The following IGFLR1 variants were observed in gnomAD, a reference collection of about 807,000 sequenced individuals.
IGFLR1 encodes the protein IGF like family receptor 1.
A neutral mutation model predicts 23.4 loss-of-function variants in IGFLR1; 17 were observed. The ratio of observed to expected loss-of-function variants is 0.73; its 90% CI spans 0.50 to 1.09. The LOEUF (loss-of-function observed/expected upper bound fraction) is 1.09. IGFLR1 is among the 50% of genes least tolerant of loss of function. IGFLR1 has a pLI of 0.00. For missense variants in IGFLR1, 556 were observed against 459.2 expected (o/e 1.21, Z -1.93); for synonymous variants, 265 against 210.7 (o/e 1.26, Z -2.23).
Position 35,742,434 on chromosome 19 carries a change from C to G in IGFLR1, c.-82G>C. On this transcript the variant is annotated 5_prime_UTR_variant, in exon 1 of 5. Transcript: ENST00000246532. ...GGTCCCAAGCTGGCCGTGCCAAGTT[C>G]CTCAGCTGAAGTTGTGGCCAGGACC... is the stretch of plus-strand genomic sequence containing the variant. 1.3e-6 allele frequency: 2 copies of G among 1,536,318 alleles called. No individual in the cohort carries two copies. The highest frequency in any genetic ancestry group is 1.7e-6 in the Non-Finnish European group (2 of 1,146,630).
At chr19:35,740,936 C>G in intron 2 of IGFLR1, 88 bp downstream of exon 2, 1 of 1,312,804 alleles carries the variant, frequency 7.6e-7, no homozygotes, top group South Asian at 1.3e-5. Context: ...GCAAGCCTCT[C>G]TGGCCCGTAG....
rs199748047 is a variant in IGFLR1, at chr19:35,740,407, C to G, written c.315G>C (p.Gly105=). 10 of 1,606,114 alleles carry G rather than the reference C, an allele frequency of 6.2e-6. No individual in the cohort carries two copies. In the African/African-American group the frequency reaches 1.3e-4, roughly 21 times the overall value. Residue 105 remains glycine, a synonymous_variant, in exon 3 of 5, where the codon GGG becomes GGC. Coordinates refer to ENST00000246532, the MANE Select transcript of IGFLR1 (RefSeq NM_024660.4). ...GAVTPTPAAG[G]GRTPWRCRER... ...CTCTGCAGCGCCACGGGGTTCTGCCCCCGCCCGCGGCGGGAGTAGGGGTCA... is the reference window on the plus strand; with the variant it reads ...CTCTGCAGCGCCACGGGGTTCTGCCGCCGCCCGCGGCGGGAGTAGGGGTCA...
chr19:35,740,282 A>G (rs1234069833), intron 3 of IGFLR1, 98 bp downstream of exon 3: 1 of 1,392,598 alleles, frequency 7.2e-7, no homozygotes, highest in African/African-American at 1.5e-5. Flanking sequence ...ACCTCCTGAA[A>G]CCACGGCCCC....
chr19:35,739,601 G>C lies in IGFLR1; in HGVS notation c.747C>G (p.Pro249=), dbSNP rs1041287150. The C allele has an allele frequency of 6.2e-7, 1 of 1,612,700 alleles. No homozygotes were observed. The highest frequency in any genetic ancestry group is 8.5e-7 in the Non-Finnish European group (1 of 1,179,192). The part of the protein sequence containing the change: ...SRELSSLASQ[P]LSRLLDELEV... ...CCAGCTCATCCAGGAGGCGAGACAG[G>C]GGTTGTGACGCCAGACTGGACAGTT... Residue 249 remains proline, a synonymous_variant, in exon 5 of 5, where the codon CCC becomes CCG. Coordinates refer to ENST00000246532, the MANE Select transcript of IGFLR1 (RefSeq NM_024660.4).
At chr19:35,740,677 T>A in intron 2 of IGFLR1, 113 bp from the exon 3 acceptor site, 1 of 1,016,340 alleles carries the variant, frequency 9.8e-7, no homozygotes, top group Non-Finnish European at 1.4e-6. Flanking sequence ...GCTTCCAGCC[T>A]ATTAGCGTGC....
chr19:35,740,691 C>T (rs1366908167), intron 2 of IGFLR1, 127 bp from the exon 3 acceptor site: 2 of 897,252 alleles, frequency 2.2e-6, no homozygotes, highest in African/African-American at 3.4e-5. Flanking sequence ...AGCGTGCGCC[C>T]CGGTCTTGTC....
chr19:35,740,834 C>G (rs961823867), intron 2 of IGFLR1, 190 bp downstream of exon 2: 8 of 654,114 alleles, frequency 1.2e-5, no homozygotes, highest in South Asian at 9.8e-5. Context: ...CATATCCATT[C>G]GCTGTTGCCC....
At position 35,740,722 on chromosome 19, in the gene IGFLR1, T is replaced by C. The variant is rs529594165; in HGVS notation, c.158-158A>G. The C allele has an allele frequency of 1.5e-5, 11 of 735,986 alleles. No individual in the cohort carries two copies. In the East Asian group the frequency reaches 2.8e-4, roughly 19 times the overall value. 45.6% of individuals were successfully genotyped at this position (735,986 alleles called of 1,614,324 possible). Reference sequence around the variant, plus strand: ...TTGTCACTTTTCTCCGGGCTCGCCTTTTCACCCCCCTCCAGCCTGCTCCGC... The same window carrying C: ...TTGTCACTTTTCTCCGGGCTCGCCTCTTCACCCCCCTCCAGCCTGCTCCGC... On this transcript the variant is annotated intron_variant, in intron 2 of 4. Coordinates refer to ENST00000246532, the MANE Select transcript of IGFLR1 (RefSeq NM_024660.4).
At position 35,739,827 on chromosome 19, in the gene IGFLR1, A is replaced by G. The variant is rs1265313927; in HGVS notation, c.604T>C (p.Leu202=). Residue 202 remains leucine (L), a synonymous_variant, in exon 4 of 5, where the codon TTG becomes CTG. Transcript: ENST00000246532. ...EKADPYPYPG[L]VCGVPNTHTP... ...TGGGTGTTGGGGACTCCGCAGACCA[A>G]GCCAGGATAGGGATAGGGGTCGGCT... 2.5e-6 allele frequency: 4 copies of G among 1,607,574 alleles called. No homozygotes were observed. Among genetic ancestry groups the G allele is most frequent in the South Asian group, 1.1e-5 (1 of 90,644 alleles).
intron 3 of IGFLR1, 107 bp from the exon 4 acceptor site, chr19:35,740,195 G>C (rs1256918293): frequency 2.2e-6 from 3 of 1,388,474 alleles, no homozygotes; most frequent in Non-Finnish European, 2.8e-6. Flanking sequence ...CATCTGATAC[G>C]GTATCTGATA....
chr19:35,740,207 G>A (rs1970131724), intron 3 of IGFLR1, 119 bp from the exon 4 acceptor site: 1 of 1,384,424 alleles, frequency 7.2e-7, no homozygotes, highest in Admixed American at 2.9e-5. Flanking sequence ...TATCTGATAA[G>A]GTAGTTGGGC....
At chr19:35,740,266 C>A in intron 3 of IGFLR1, 114 bp downstream of exon 3, 1 of 1,351,538 alleles carries the variant, frequency 7.4e-7, no homozygotes, top group Admixed American at 2.9e-5. Context: ...CCCCTGCAGG[C>A]CAGCCACCTC....
At chr19:35,739,678 C>T (rs1398570927) in intron 4 of IGFLR1, 32 bp downstream of exon 4, 5 of 1,565,420 alleles carry the variant, frequency 3.2e-6, no homozygotes, top group African/African-American at 1.4e-5. Flanking sequence ...TCCAGTCCAC[C>T]TTCCCTGCCC....
chr19:35,740,827 A>T lies in IGFLR1; in HGVS notation c.157+197T>A. 1.1e-5 allele frequency: 7 copies of T among 646,830 alleles called. No individual in the cohort carries two copies. In the South Asian group the frequency reaches 1.4e-4, roughly 13 times the overall value. The allele number at this position is 646,830 out of a possible 1,614,324, so 40.1% of individuals were successfully genotyped here. ...GCCCCTATCCCGCCTCTCCAGCCAT[A>T]TCCATTCGCTGTTGCCCTACGGTAG... On this transcript the variant is annotated intron_variant, in intron 2 of 4. Coordinates refer to ENST00000246532, the MANE Select transcript of IGFLR1 (RefSeq NM_024660.4).
rs1484485671 is a variant in IGFLR1 at position 35,742,440 on chromosome 19, C to A, written c.-88G>T. Reference sequence around the variant, plus strand: ...AAGCTGGCCGTGCCAAGTTCCTCAGCTGAAGTTGTGGCCAGGACCCAGTCT... The same window carrying A: ...AAGCTGGCCGTGCCAAGTTCCTCAGATGAAGTTGTGGCCAGGACCCAGTCT... On this transcript the variant is annotated 5_prime_UTR_variant, in exon 1 of 5. Transcript: ENST00000246532. 3 of 1,536,926 alleles carry A rather than the reference C, an allele frequency of 2.0e-6. No homozygotes were observed. Among genetic ancestry groups the A allele is most frequent in the African/African-American group, 1.4e-5 (1 of 73,168 alleles).
Position 35,739,920 on chromosome 19 carries a change from G to C in IGFLR1, c.511C>G (p.Leu171Val). 6.2e-6 allele frequency: 10 copies of C among 1,614,180 alleles called. No homozygotes were observed. Among genetic ancestry groups the C allele is most frequent in the Non-Finnish European group, 8.5e-6 (10 of 1,180,026 alleles). Reference sequence around the variant, plus strand: ...AGGATCGCTATCACCGCCAAGGTCAGGAGCAGGACCAGCACCACGAGCGGA... The same window carrying C: ...AGGATCGCTATCACCGCCAAGGTCACGAGCAGGACCAGCACCACGAGCGGA... ...FLPLVVLVLL[L>V]TLAVIAILLF... Residue 171 changes from leucine (L) to valine (V), a missense_variant, in exon 4 of 5, where the codon CTG becomes GTG. Leu to Val is a conservative substitution (Grantham distance 32). Coordinates refer to ENST00000246532, the MANE Select transcript of IGFLR1 (RefSeq NM_024660.4).
At position 35,739,201 on chromosome 19, in the gene IGFLR1, A is replaced by G. The variant is rs1403470827; in HGVS notation, c.*79T>C. 10 of 1,323,192 alleles carry G rather than the reference A, an allele frequency of 7.6e-6. No individual in the cohort carries two copies. The highest frequency in any genetic ancestry group is 5.9e-5 in the African/African-American group (4 of 67,570). 82.0% of individuals were successfully genotyped at this position (1,323,192 alleles called of 1,614,324 possible). A position where few individuals can be genotyped will look rare whatever the true frequency, so the allele number is the denominator to read the frequency against. On this transcript the variant is annotated 3_prime_UTR_variant, in exon 5 of 5. Coordinates refer to ENST00000246532, the MANE Select transcript of IGFLR1 (RefSeq NM_024660.4). ...AGGCTATCTGTTGGGTCTTTGCCCA[A>G]TTAGGATTGTACTTCAAGAAGTACT... is the stretch of plus-strand genomic sequence containing the variant.
In IGFLR1 at chr19:35,739,998, T is replaced by C; in HGVS notation, c.433A>G (p.Ile145Val). The change falls in exon 4 of 5, where the codon ATT becomes GTT. Residue 145 changes from isoleucine to valine, a missense_variant. Ile to Val is a conservative substitution (Grantham distance 29). Coordinates refer to ENST00000246532, the MANE Select transcript of IGFLR1 (RefSeq NM_024660.4). ...SQERSSPASSIAWRTPEPVPQ... is the reference protein window; with the variant it reads ...SQERSSPASSVAWRTPEPVPQ... The stretch of plus-strand genomic sequence containing the variant: ...ACAGGCTCAGGGGTCCTCCAGGCAA[T>C]GGAACTTGCTGGTGAGCTGCGCTCC... The C allele has an allele frequency of 1.9e-6, 3 of 1,614,056 alleles. No homozygotes were observed. Among genetic ancestry groups the C allele is most frequent in the Non-Finnish European group, 2.5e-6 (3 of 1,179,988 alleles).
chr19:35,740,649 G>T, intron 2 of IGFLR1, 85 bp from the exon 3 acceptor site: 1 of 1,303,508 alleles, frequency 7.7e-7, no homozygotes, highest in Non-Finnish European at 1.0e-6. Context: ...ATCCCAGCGT[G>T]CCCCGCCCCT....
Sources: allele counts gnomAD v4.1 joint callset, GRCh38; gene constraint gnomAD v4.1.1; transcripts MANE v1.5; gene names NCBI Gene and HGNC (gene_info 2026-07-23, HGNC 2026-07-21).